The following ADAMTSL1 variants were observed in gnomAD, a reference collection of about 807,000 sequenced individuals.
ADAMTSL1 encodes the protein ADAMTS like 1.
Under a neutral mutation model 201.8 loss-of-function variants are expected in ADAMTSL1, and 126 were observed. That is an observed-to-expected ratio of 0.62 (90% confidence interval 0.54 to 0.72). The LOEUF (loss-of-function observed/expected upper bound fraction) is 0.72. ADAMTSL1 is among the 30% of genes least tolerant of loss of function. ADAMTSL1 has a pLI of 0.00. For missense variants in ADAMTSL1, 2,679 were observed against 2,277.8 expected (o/e 1.18, Z -3.59); for synonymous variants, 1,121 against 903.4 (o/e 1.24, Z -4.32).
At position 18,242,291 on chromosome 9, in the gene ADAMTSL1, G is replaced by A. The variant is rs550907845; in HGVS notation, c.207+78310G>A. 2.8e-4 allele frequency among the ~76,000 whole-genome samples: 43 copies of A among 152,142 alleles called. No individual in the cohort carries two copies. In the East Asian group the frequency reaches 7.7e-3, roughly 27 times the overall value. ...GATTGTCTCACTTGATGCAGAAAAA[G>A]CATTCAACAAAGTCAAAAATCCTTT... On this transcript the variant is annotated intron_variant, in intron 2 of 29. Transcript: ENST00000680146.
intron 2 of ADAMTSL1, among the ~76,000 whole-genome samples, chr9:18,384,606 G>C (rs1017775281): frequency 6.6e-6 from 1 of 152,140 alleles, no homozygotes; most frequent in African/African-American, 2.4e-5. Context: ...GCCCCACCGG[G>C]ATGTGTATGT....
chr9:18,205,637 C>T (rs1587307629), intron 2 of ADAMTSL1, among the ~76,000 whole-genome samples: 1 of 152,252 alleles, frequency 6.6e-6, no homozygotes, highest in African/African-American at 2.4e-5. Flanking sequence ...AACCTATGCT[C>T]TTCCTGTACT....
Position 18,721,545 on chromosome 9 carries a change from A to G in ADAMTSL1, c.1886A>G (p.Glu629Gly). The part of the protein sequence containing the change: ...CSESCGGGVQ[E>G]AVVSCLNKQT... ...TGTGATTTGTACACAGGTGTCCAGG[A>G]GGCTGTGGTGAGCTGCTTGAACAAA... The change falls in exon 15 of 29, where the codon GAG (glutamate) becomes GGG (glycine). Residue 629 changes from glutamate to glycine, a missense_variant. Glu to Gly is a moderately conservative substitution (Grantham distance 98). Coordinates refer to ENST00000380548, the MANE Select transcript of ADAMTSL1 (RefSeq NM_001040272.6). The G allele has an allele frequency of 6.2e-7, 1 of 1,613,916 alleles. No individual in the cohort carries two copies. Among genetic ancestry groups the G allele is most frequent in the Non-Finnish European group, 8.5e-7 (1 of 1,179,868 alleles).
chr9:18,714,577 A>C (rs1434500515), intron 14 of ADAMTSL1, among the ~76,000 whole-genome samples: 1 of 144,068 alleles, frequency 6.9e-6, no homozygotes, highest in East Asian at 2.0e-4. Context: ...ATAGACCAAT[A>C]ACAGGATCTG....
chr9:18,379,940 C>T (rs1483273517), intron 2 of ADAMTSL1, among the ~76,000 whole-genome samples: 2 of 152,146 alleles, frequency 1.3e-5, no homozygotes, highest in Non-Finnish European at 2.9e-5. Context: ...TTTCCCATTC[C>T]ACGGGCATAA....
At chr9:18,795,331 A>C (rs1271279427) in intron 19 of ADAMTSL1, 66 bp from the exon 20 acceptor site, 6 of 1,599,892 alleles carry the variant, frequency 3.8e-6, no homozygotes, top group African/African-American at 1.3e-5. Flanking sequence ...CTGCCTTACC[A>C]ATATTGAATG....
chr9:18,658,340 G>T (rs1032321669), intron 8 of ADAMTSL1, among the ~76,000 whole-genome samples: 1 of 152,162 alleles, frequency 6.6e-6, no homozygotes, highest in Non-Finnish European at 1.5e-5. Context: ...TTCTAATTTG[G>T]CAGCAGTTTG....
chr9:18,157,915 C>A (rs944358716), intron 1 of ADAMTSL1, among the ~76,000 whole-genome samples: 1 of 151,982 alleles, frequency 6.6e-6, no homozygotes, highest in Non-Finnish European at 1.5e-5. Flanking sequence ...TTTCTTCCCC[C>A]AGACAAGCCT....
chr9:18,030,094 A>G (rs141653929), intron 1 of ADAMTSL1, among the ~76,000 whole-genome samples: 38 of 152,340 alleles, frequency 2.5e-4, no homozygotes, highest in African/African-American at 8.9e-4. Flanking sequence ...AGACACATGC[A>G]CACATATGTT....
At chr9:18,169,504 TA>T (rs1827793820) in intron 2 of ADAMTSL1, among the ~76,000 whole-genome samples, 2 of 152,294 alleles carry the variant, frequency 1.3e-5, no homozygotes, top group Non-Finnish European at 1.5e-5. Context: ...TTGGTACCAG[TA>T]CCATGCTGTT....
At chr9:18,295,345 T>C (rs1833435439) in intron 2 of ADAMTSL1, among the ~76,000 whole-genome samples, 1 of 118,550 alleles carries the variant, frequency 8.4e-6, no homozygotes, top group Non-Finnish European at 1.8e-5. Context: ...CCGTTATTCA[T>C]TTTTTTTTTT....
At chr9:18,107,394 C>A (rs1021216621) in intron 1 of ADAMTSL1, among the ~76,000 whole-genome samples, 25 of 152,292 alleles carry the variant, frequency 1.6e-4, no homozygotes, top group Non-Finnish European at 3.5e-4. Context: ...GCAGCAGAAG[C>A]ATTTCCTTGC....
Position 18,498,218 on chromosome 9 carries a change from T to C in ADAMTSL1, c.64-6611T>C, listed in dbSNP as rs1196659128. 2.6e-5 allele frequency among the ~76,000 whole-genome samples: 4 copies of C among 151,356 alleles called. No homozygotes were observed. The East Asian group carries it at 7.8e-4, about 29-fold the overall frequency. Reference sequence around the variant, plus strand: ...CGTGTGTGCATTTGTAGCATGGGGGTGGGGGCAGGGAGTGATAAAATAATT... The same window carrying C: ...CGTGTGTGCATTTGTAGCATGGGGGCGGGGGCAGGGAGTGATAAAATAATT... On this transcript the variant is annotated intron_variant, in intron 1 of 28. Coordinates refer to ENST00000380548, the MANE Select transcript of ADAMTSL1 (RefSeq NM_001040272.6).
chr9:18,575,683 A>C (rs1213129450), intron 4 of ADAMTSL1, among the ~76,000 whole-genome samples: 1 of 152,162 alleles, frequency 6.6e-6, no homozygotes, highest in Non-Finnish European at 1.5e-5. Flanking sequence ...ATGTATGTAT[A>C]CTGTTTGAGT....
At chr9:18,883,081 C>G (rs1828638127) in intron 23 of ADAMTSL1, among the ~76,000 whole-genome samples, 1 of 152,018 alleles carries the variant, frequency 6.6e-6, no homozygotes, top group South Asian at 2.1e-4. Flanking sequence ...GGCCTTCAAT[C>G]CATTGGCCAA....
intron 16 of ADAMTSL1, among the ~76,000 whole-genome samples, chr9:18,767,851 C>T (rs930750193): frequency 6.6e-6 from 1 of 152,208 alleles, no homozygotes; most frequent in Admixed American, 6.5e-5. Flanking sequence ...AAGGCTTAGG[C>T]CAGTTACTTG....
intron 1 of ADAMTSL1, among the ~76,000 whole-genome samples, chr9:18,122,811 C>T (rs1183827466): frequency 6.6e-6 from 1 of 152,034 alleles, no homozygotes; most frequent in Non-Finnish European, 1.5e-5. Flanking sequence ...GACTAGGTCT[C>T]ACTGTAGCCT....
chr9:18,402,963 T>C (rs532208729), intron 2 of ADAMTSL1, among the ~76,000 whole-genome samples: 2 of 152,270 alleles, frequency 1.3e-5, no homozygotes, highest in East Asian at 3.9e-4. Context: ...CTTATGAGGT[T>C]GACTTCATTA....
intron 2 of ADAMTSL1, among the ~76,000 whole-genome samples, chr9:18,325,449 A>G (rs1484253966): frequency 2.6e-5 from 4 of 152,254 alleles, no homozygotes; most frequent in African/African-American, 9.6e-5. Flanking sequence ...CATGTGGATG[A>G]ATCTCAAACG....
Sources: allele counts gnomAD v4.1 joint callset (sites outside exome capture counted in the v4.1 genomes callset), GRCh38; gene constraint gnomAD v4.1.1; transcripts MANE v1.5; gene names NCBI Gene and HGNC (gene_info 2026-07-23, HGNC 2026-07-21).